The following PLS1 variants were observed in gnomAD, a reference collection of about 807,000 sequenced individuals.
The protein encoded by PLS1 is plastin 1, also known as plastin-1.
Under a neutral mutation model 73.7 loss-of-function variants are expected in PLS1, and 32 were observed. That is an observed-to-expected ratio of 0.43 (90% CI 0.33 to 0.58). The LOEUF (loss-of-function observed/expected upper bound fraction) is 0.58. PLS1 is among the 20% of genes least tolerant of loss of function. The pLI, the probability that PLS1 is intolerant of heterozygous loss-of-function variation, is 0.04. For synonymous variants in PLS1, 217 were observed against 261.3 expected (o/e 0.83, Z 1.63); for missense variants, 633 against 740.5 (o/e 0.85, Z 1.68).
At chr3:142,702,052 T>A (rs558408140) in intron 12 of PLS1, among the ~76,000 whole-genome samples, 1 of 152,346 alleles carries the variant, frequency 6.6e-6, no homozygotes, top group Admixed American at 6.5e-5. Context: ...AAAAATTCTT[T>A]TAAAAACTTT....
At chr3:142,696,752 A>ATAATAATAC (rs1553793796) in intron 11 of PLS1, among the ~76,000 whole-genome samples, 1 of 132,146 alleles carries the variant, frequency 7.6e-6, no homozygotes, top group Non-Finnish European at 1.6e-5. Context: ...AATAATAATA[A>ATAATAATAC]TAATAATACC....
chr3:142,643,731 G>T (rs1397592998), intron 1 of PLS1, among the ~76,000 whole-genome samples: 1 of 152,102 alleles, frequency 6.6e-6, no homozygotes, highest in African/African-American at 2.4e-5. Flanking sequence ...AACATAATCT[G>T]GGAGTTATAG....
intron 9 of PLS1, among the ~76,000 whole-genome samples, chr3:142,688,139 G>T (rs2038011158): frequency 6.6e-6 from 1 of 151,802 alleles, no homozygotes; most frequent in Non-Finnish European, 1.5e-5. Flanking sequence ...GTAGAGACGG[G>T]GTTTCACCAT....
chr3:142,694,747 TTGA>T (rs1203567016), intron 11 of PLS1, among the ~76,000 whole-genome samples, 200 bp downstream of exon 11: 31 of 152,366 alleles, frequency 2.0e-4, no homozygotes, highest in African/African-American at 7.2e-4. Context: ...AGTTATGTTT[TTGA>T]TGATATACGT....
intron 1 of PLS1, among the ~76,000 whole-genome samples, chr3:142,614,112 C>A (rs1264411552): frequency 2.0e-5 from 3 of 152,198 alleles, no homozygotes; most frequent in African/African-American, 7.2e-5. Context: ...TCTCCTCACC[C>A]TCTGTGAGTC....
chr3:142,657,165 C>T (rs1048329036), intron 1 of PLS1: 2 of 152,216 alleles, frequency 1.3e-5, no homozygotes, highest in Non-Finnish European at 2.9e-5. Flanking sequence ...TTGGCTTAGT[C>T]GGCAGATTCT....
intron 1 of PLS1, among the ~76,000 whole-genome samples, chr3:142,642,706 A>G (rs1232123486): frequency 6.6e-6 from 1 of 152,138 alleles, no homozygotes; most frequent in African/African-American, 2.4e-5. Flanking sequence ...TTTAATTTTC[A>G]TTTAGCTTAA....
At chr3:142,610,562 GT>G (rs1054446869) in intron 1 of PLS1, among the ~76,000 whole-genome samples, 1 of 152,054 alleles carries the variant, frequency 6.6e-6, no homozygotes, top group African/African-American at 2.4e-5. Context: ...GAATTTTCCT[GT>G]GTTTTTGTGA....
intron 1 of PLS1, among the ~76,000 whole-genome samples, chr3:142,645,872 C>G (rs1287906936): frequency 6.6e-6 from 1 of 152,112 alleles, no homozygotes; most frequent in Admixed American, 6.6e-5. Context: ...TAAGACAGGT[C>G]ACATTCTGCC....
intron 6 of PLS1, among the ~76,000 whole-genome samples, chr3:142,682,568 A>G (rs969614815): frequency 9.2e-5 from 14 of 152,200 alleles, no homozygotes; most frequent in Admixed American, 5.9e-4. Context: ...TGCATATGAC[A>G]TGGGTTATTG....
intron 1 of PLS1, among the ~76,000 whole-genome samples, chr3:142,598,873 C>T (rs1400767154): frequency 2.6e-5 from 4 of 151,866 alleles, no homozygotes; most frequent in South Asian, 2.1e-4. Context: ...TGGTGGTGGG[C>T]GCCTGTAGTC....
intron 1 of PLS1, among the ~76,000 whole-genome samples, chr3:142,604,887 A>G (rs956515203): frequency 4.6e-5 from 7 of 151,834 alleles, no homozygotes; most frequent in African/African-American, 1.5e-4. Context: ...GTGAGCTGAG[A>G]TCACGGCACT....
chr3:142,627,368 G>A (rs2036451584), intron 1 of PLS1, among the ~76,000 whole-genome samples: 1 of 152,154 alleles, frequency 6.6e-6, no homozygotes, highest in African/African-American at 2.4e-5. Flanking sequence ...TCAGAAATAG[G>A]AGTGACATAT....
chr3:142,678,064 T>C lies in PLS1; in HGVS notation c.530T>C (p.Ile177Thr), dbSNP rs1387623511. 8 of 1,553,152 alleles carry C rather than the reference T, an allele frequency of 5.2e-6. No homozygotes were observed. Among genetic ancestry groups the C allele is most frequent in the African/African-American group, 1.4e-5 (1 of 71,554 alleles). The stretch of plus-strand genomic sequence containing the variant: ...ATCAACTTATCTGAACCAGATACAA[T>C]TGATGAAAGAGCCATCAATAAGAAA... Reference protein sequence around the residue: ...KMINLSEPDTIDERAINKKKL... With the variant: ...KMINLSEPDTTDERAINKKKL... Residue 177 changes from isoleucine (I) to threonine (T), a missense_variant, in exon 6 of 16, where the codon ATT (isoleucine) becomes ACT (threonine). Physicochemically the swap from Ile to Thr is moderately conservative, Grantham distance 89 (BLOSUM62 -1). Coordinates refer to ENST00000457734, the MANE Select transcript of PLS1 (RefSeq NM_001145319.2).
intron 6 of PLS1, among the ~76,000 whole-genome samples, chr3:142,680,184 T>C (rs1036742319): frequency 2.0e-5 from 3 of 152,188 alleles, no homozygotes; most frequent in Non-Finnish European, 2.9e-5. Context: ...CAACCTCAGC[T>C]TCCTGAGTTG....
chr3:142,686,525 T>C, intron 9 of PLS1, 149 bp downstream of exon 9: 1 of 612,754 alleles, frequency 1.6e-6, no homozygotes. Flanking sequence ...TCTACAAACT[T>C]TTCATCATCC....
At chr3:142,676,774 CATT>C (rs2037734646) in intron 5 of PLS1, among the ~76,000 whole-genome samples, 1 of 152,232 alleles carries the variant, frequency 6.6e-6, no homozygotes, top group African/African-American at 2.4e-5. Flanking sequence ...ATGTCTTTGT[CATT>C]GTTGTGTGTA....
intron 5 of PLS1, among the ~76,000 whole-genome samples, chr3:142,677,242 A>G (rs2037742321): frequency 6.6e-6 from 1 of 152,212 alleles, no homozygotes. Context: ...TAATTTTAAC[A>G]GTGTTGATAC....
At chr3:142,607,663 A>T (rs992322639) in intron 1 of PLS1, among the ~76,000 whole-genome samples, 1 of 152,232 alleles carries the variant, frequency 6.6e-6, no homozygotes, top group African/African-American at 2.4e-5. Flanking sequence ...TAAAGTCCTT[A>T]GCTTATTCAT....
Sources: allele counts gnomAD v4.1 joint callset (sites outside exome capture counted in the v4.1 genomes callset), GRCh38; gene constraint gnomAD v4.1.1; transcripts MANE v1.5; gene names NCBI Gene and HGNC (gene_info 2026-07-23, HGNC 2026-07-21).